Variants in CHLSN observed in about 807,000 individuals in gnomAD.
CHLSN encodes the protein cholesin, also known as protein cholesin.
At chr7:984,500 C>A in the CHLSN span, 36 of 1,552,402 alleles carry the variant, frequency 2.3e-5, no homozygotes, top group South Asian at 4.1e-4. Flanking sequence ...GTCAAAGAGG[C>A]GCTGGCGGGC....
chr7:1,016,872 G>A, the CHLSN span, among the ~76,000 whole-genome samples: 1 of 88,416 alleles, frequency 1.1e-5, no homozygotes, highest in Non-Finnish European at 2.5e-5. Context: ...GCACACAGCA[G>A]CGCACAGCAG....
At chr7:1,125,023 A>T in the CHLSN span, among the ~76,000 whole-genome samples, 1 of 152,178 alleles carries the variant, frequency 6.6e-6, no homozygotes, top group Non-Finnish European at 1.5e-5. Context: ...ACCCTCTGAG[A>T]CAGCCAGGAG....
chr7:997,033 T>C, the CHLSN span: 2 of 152,424 alleles, frequency 1.3e-5, no homozygotes, highest in South Asian at 4.1e-4. Flanking sequence ...TTATTTCAAA[T>C]GCAGCCACAG....
chr7:1,090,869 TA>T, the CHLSN span, among the ~76,000 whole-genome samples: 12 of 152,244 alleles, frequency 7.9e-5, no homozygotes, highest in African/African-American at 2.7e-4. Flanking sequence ...AAAATAAGTT[TA>T]TTTTTGGTAC....
At chr7:987,647 G>A in the CHLSN span, 10 of 1,053,424 alleles carry the variant, frequency 9.5e-6, no homozygotes, top group African/African-American at 8.2e-5. Flanking sequence ...AGCGCTCCCC[G>A]ACCGGAGGCA....
the CHLSN span, chr7:1,086,882 C>T: frequency 6.6e-6 from 1 of 152,288 alleles, no homozygotes; most frequent in Admixed American, 6.5e-5. Context: ...AGAGGGAAAA[C>T]GACACCTAGA....
At chr7:1,045,920 A>G in the CHLSN span, 1 of 152,254 alleles carries the variant, frequency 6.6e-6, no homozygotes, top group Admixed American at 6.5e-5. Context: ...TATCCTGAGG[A>G]TGGAGGACAG....
chr7:1,112,626 C>CTTTAA, the CHLSN span, among the ~76,000 whole-genome samples: 1 of 151,514 alleles, frequency 6.6e-6, no homozygotes, highest in Non-Finnish European at 1.5e-5. Flanking sequence ...AGCAAACGAG[C>CTTTAA]TTTAATTCTG....
chr7:1,085,307 A>G, the CHLSN span, among the ~76,000 whole-genome samples: 2 of 152,256 alleles, frequency 1.3e-5, no homozygotes, highest in African/African-American at 4.8e-5. Flanking sequence ...CATCAGATCC[A>G]ACAAGGAAAT....
the CHLSN span, among the ~76,000 whole-genome samples, chr7:1,096,260 C>T: frequency 3.9e-5 from 6 of 152,324 alleles, no homozygotes; most frequent in South Asian, 6.2e-4. This position sits in a 1 kb window ranked among gnomAD's most constrained non-coding sequence, Gnocchi z 4.6. Context: ...ATCTAGCCGC[C>T]GGAAGCAGAC....
the CHLSN span, among the ~76,000 whole-genome samples, chr7:1,010,428 CG>C: frequency 6.6e-6 from 1 of 152,234 alleles, no homozygotes; most frequent in Non-Finnish European, 1.5e-5. Context: ...CACAGACTCC[CG>C]GCTCCCGAGG....
chr7:1,081,594 C>A, the CHLSN span, among the ~76,000 whole-genome samples: 2 of 152,242 alleles, frequency 1.3e-5, no homozygotes, highest in Admixed American at 6.5e-5. Flanking sequence ...GTCACGCTTA[C>A]GTCGTTTGGT....
At chr7:1,014,590 C>T in the CHLSN span, among the ~76,000 whole-genome samples, 2 of 152,270 alleles carry the variant, frequency 1.3e-5, no homozygotes, top group African/African-American at 4.8e-5. Context: ...AAACCATCAT[C>T]ATTTCCCAGG....
At chr7:987,189 C>A in the CHLSN span, 5 of 1,555,462 alleles carry the variant, frequency 3.2e-6, no homozygotes, top group South Asian at 3.5e-5. Flanking sequence ...ACGGAGACGA[C>A]CTCGGCCACG....
the CHLSN span, among the ~76,000 whole-genome samples, chr7:1,061,300 G>T: frequency 6.6e-6 from 1 of 152,088 alleles, no homozygotes; most frequent in Non-Finnish European, 1.5e-5. Context: ...TGCCTGGTCA[G>T]CTGTTTGTTC....
the CHLSN span, chr7:1,057,794 G>C: frequency 1.3e-6 from 1 of 776,354 alleles, no homozygotes; most frequent in Non-Finnish European, 2.4e-6. Flanking sequence ...CCCGGTGGGC[G>C]CTGTGGAGTG....
chr7:1,022,858 C>T, the CHLSN span: 1 of 354,508 alleles, frequency 2.8e-6, no homozygotes, highest in Non-Finnish European at 5.7e-6. Context: ...ATCAGAAGAC[C>T]CACGCATACG....
At chr7:1,006,066 C>T in the CHLSN span, among the ~76,000 whole-genome samples, 64 of 152,244 alleles carry the variant, frequency 4.2e-4, no homozygotes, top group Admixed American at 4.2e-3. Flanking sequence ...TCTTTTTTCT[C>T]TTTAATGAGG....
At chr7:992,647 G>T in the CHLSN span, among the ~76,000 whole-genome samples, 5 of 152,246 alleles carry the variant, frequency 3.3e-5, no homozygotes, top group African/African-American at 9.6e-5. Flanking sequence ...GAAACTTCTG[G>T]AACCCAGAGG....
Sources: allele counts gnomAD v4.1 joint callset (sites outside exome capture counted in the v4.1 genomes callset), GRCh38; gene constraint gnomAD v4.1.1; non-coding constraint Gnocchi (gnomAD v3.1); transcripts MANE v1.5; gene names NCBI Gene and HGNC (gene_info 2026-07-23, HGNC 2026-07-21).